Variants in DENND1A observed in about 807,000 individuals in gnomAD.
The protein encoded by DENND1A is DENN domain-containing protein 1A.
DENND1A carries 51 observed loss-of-function variants against 113.7 expected under a neutral mutation model. That is an observed-to-expected ratio of 0.45 (90% confidence interval 0.36 to 0.57). The LOEUF (loss-of-function observed/expected upper bound fraction) is 0.57. Among genes scored for constraint, DENND1A ranks in the 20% least tolerant of loss-of-function variants. DENND1A has a pLI of 0.00. For synonymous variants in DENND1A, 565 were observed against 570.8 expected (o/e 0.99, Z 0.14); for missense variants, 1,258 against 1,395.9 (o/e 0.90, Z 1.57).
At chr9:123,927,158 T>C (rs12237678) in intron 1 of DENND1A, among the ~76,000 whole-genome samples, 11,015 of 152,264 alleles carry the variant, frequency 0.072, 639 homozygotes, top group African/African-American at 0.16. Context: ...CTGACAGAGA[T>C]TGTGTTCAAC....
chr9:123,781,451 T>C (rs2131844684), intron 3 of DENND1A, among the ~76,000 whole-genome samples: 1 of 152,300 alleles, frequency 6.6e-6, no homozygotes, highest in South Asian at 2.1e-4. Context: ...CTTCAGGCTC[T>C]TTATCTACAG....
At chr9:123,861,007 C>T (rs559973233) in intron 2 of DENND1A, among the ~76,000 whole-genome samples, 4 of 152,298 alleles carry the variant, frequency 2.6e-5, no homozygotes, top group African/African-American at 4.8e-5. Context: ...GATAATACTA[C>T]GGAAGGGGAG....
In DENND1A at chr9:123,898,027, T is replaced by C. The variant is rs1851046436; in HGVS notation, c.18-19006A>G. Among the ~76,000 whole-genome samples, 3 of 152,194 alleles carry C rather than the reference T, an allele frequency of 2.0e-5. No individual in the cohort carries two copies. The South Asian group carries it at 6.2e-4, about 32-fold the overall frequency. ...TCAACAACTAAAAAAAATTTTTTTTTAATTTAAAGGTAGGGTCTCAAAGTC... is the reference window on the plus strand; with the variant it reads ...TCAACAACTAAAAAAAATTTTTTTTCAATTTAAAGGTAGGGTCTCAAAGTC... On this transcript the variant is annotated intron_variant, in intron 1 of 23. Coordinates refer to ENST00000394215, the MANE Select transcript of DENND1A (RefSeq NM_001352964.2).
chr9:123,705,068 T>G (rs1463411792), intron 5 of DENND1A, among the ~76,000 whole-genome samples: 2 of 147,104 alleles, frequency 1.4e-5, no homozygotes, highest in Non-Finnish European at 3.0e-5. Context: ...AAGATGAATT[T>G]AAAAAAAAAA....
chr9:123,429,647 A>G (rs1240404258), intron 19 of DENND1A, among the ~76,000 whole-genome samples: 1 of 152,214 alleles, frequency 6.6e-6, no homozygotes. Flanking sequence ...CGATATGCAG[A>G]AAATTGAAAG....
At chr9:123,434,068 C>T (rs2046336226) in intron 19 of DENND1A, among the ~76,000 whole-genome samples, 1 of 152,208 alleles carries the variant, frequency 6.6e-6, no homozygotes, top group South Asian at 2.1e-4. Flanking sequence ...ACTCTGTCAC[C>T]CAGGCTGGCG....
chr9:123,501,045 A>T (rs1444025540), intron 13 of DENND1A, among the ~76,000 whole-genome samples: 1 of 152,176 alleles, frequency 6.6e-6, no homozygotes, highest in Admixed American at 6.5e-5. Context: ...CTATCTCCAG[A>T]ACTCTTTTCA....
chr9:123,667,570 T>G (rs147499088), intron 7 of DENND1A, among the ~76,000 whole-genome samples: 1 of 152,154 alleles, frequency 6.6e-6, no homozygotes, highest in African/African-American at 2.4e-5. Flanking sequence ...TGAGCTGAGA[T>G]TGTGCCACTG....
chr9:123,865,996 GC>G (rs1404696477), intron 2 of DENND1A, among the ~76,000 whole-genome samples: 1 of 152,132 alleles, frequency 6.6e-6, no homozygotes, highest in African/African-American at 2.4e-5. Context: ...TTCCTGGACG[GC>G]CATGATGAAA....
intron 2 of DENND1A, among the ~76,000 whole-genome samples, chr9:123,815,260 G>A (rs1837259445): frequency 2.6e-5 from 4 of 152,198 alleles, no homozygotes. Context: ...TCTAAGCACT[G>A]TCTACAGATG....
At chr9:123,926,686 A>C (rs1857165959) in intron 1 of DENND1A, among the ~76,000 whole-genome samples, 2 of 151,024 alleles carry the variant, frequency 1.3e-5, no homozygotes, top group Admixed American at 1.3e-4. Flanking sequence ...TTTTTTTTTA[A>C]CTCGATAAAC....
At chr9:123,697,065 T>TA (rs2065567331) in intron 5 of DENND1A, among the ~76,000 whole-genome samples, 2 of 152,326 alleles carry the variant, frequency 1.3e-5, no homozygotes, top group South Asian at 4.1e-4. Flanking sequence ...TCTTTTGCAT[T>TA]AAGAGTAATC....
At chr9:123,494,160 T>A (rs921485508) in intron 13 of DENND1A, among the ~76,000 whole-genome samples, 5 of 152,204 alleles carry the variant, frequency 3.3e-5, no homozygotes, top group Middle Eastern at 3.2e-3. Context: ...CACCTTGTAC[T>A]GCTGGAAGAG....
chr9:123,801,448 T>G (rs1353532381), intron 2 of DENND1A, among the ~76,000 whole-genome samples: 2 of 152,258 alleles, frequency 1.3e-5, no homozygotes, highest in Non-Finnish European at 2.9e-5. Flanking sequence ...TGATGTCGCA[T>G]GTGTCACAAT....
At chr9:123,512,264 G>C (rs893869759) in intron 13 of DENND1A, among the ~76,000 whole-genome samples, 10 of 152,346 alleles carry the variant, frequency 6.6e-5, no homozygotes, top group Admixed American at 3.3e-4. Flanking sequence ...AGAGGCCGGG[G>C]AATAAAGCAA....
At chr9:123,887,582 C>T (rs1849276742) in intron 1 of DENND1A, among the ~76,000 whole-genome samples, 1 of 151,656 alleles carries the variant, frequency 6.6e-6, no homozygotes, top group African/African-American at 2.4e-5. Context: ...AGCATTAGGG[C>T]CCCCGAGAAT....
chr9:123,467,460 C>T (rs1203378650), intron 13 of DENND1A, among the ~76,000 whole-genome samples: 1 of 152,128 alleles, frequency 6.6e-6, no homozygotes, highest in Admixed American at 6.5e-5. Context: ...TGGAGACCAT[C>T]CTGGCCAACA....
At chr9:123,832,435 C>T (rs1399997256) in intron 2 of DENND1A, among the ~76,000 whole-genome samples, 1 of 152,190 alleles carries the variant, frequency 6.6e-6, no homozygotes, top group Non-Finnish European at 1.5e-5. Flanking sequence ...GGATGCAAAT[C>T]AGTTCCACCA....
At position 123,739,922 on chromosome 9, in the gene DENND1A, G is replaced by GAA. The variant is rs74357014; in HGVS notation, c.302+17779_302+17780dup. Among the ~76,000 whole-genome samples, 640 of 118,986 alleles carry GAA rather than the reference G, an allele frequency of 5.4e-3. 6 individuals carry two copies. Among genetic ancestry groups the GAA allele is most frequent in the African/African-American group, 0.017 (593 of 35,710 alleles). The allele number at this position is 118,986 out of a possible 152,430, so 78.1% of individuals were successfully genotyped here. ...GTTCTTAATTCCCTGGTACATAGGA[G>GAA]AAAAAAAAAAAAAAAGGCTTCATAT... On this transcript the variant is annotated intron_variant, in intron 5 of 23. Coordinates refer to ENST00000394215, the MANE Select transcript of DENND1A (RefSeq NM_001352964.2).
Sources: gnomAD v4.1 joint callset for allele counts (sites outside exome capture counted in the v4.1 genomes callset) on GRCh38, gnomAD v4.1.1 for gene constraint, MANE v1.5 for transcripts, NCBI Gene and HGNC (gene_info 2026-07-23, HGNC 2026-07-21) for gene names.